WDR49: variants seen among roughly 807,000 people sequenced by gnomAD.
The protein encoded by WDR49 is cilia- and flagella-associated protein 337.
In WDR49, 107 loss-of-function variants were observed where a neutral mutation model predicts 119.5. That is an observed-to-expected ratio of 0.90 (90% confidence interval 0.77 to 1.05). The LOEUF is 1.05. WDR49 is among the 50% of genes least tolerant of loss of function. The pLI is 0.00. For synonymous variants in WDR49, 425 were observed against 418.8 expected (o/e 1.01, Z -0.18); for missense variants, 1,240 against 1,220.5 (o/e 1.02, Z -0.24).
intron 18 of WDR49, among the ~76,000 whole-genome samples, chr3:167,481,435 T>G (rs1750715121): frequency 6.6e-6 from 1 of 151,792 alleles, no homozygotes; most frequent in Non-Finnish European, 1.5e-5. Context: ...ACAGAGTTCC[T>G]GGAACATAGT....
chr3:167,533,986 G>A (rs552272919), intron 11 of WDR49, among the ~76,000 whole-genome samples: 4 of 151,804 alleles, frequency 2.6e-5, no homozygotes, highest in South Asian at 2.1e-4. Flanking sequence ...TCAGGAGTTC[G>A]AGACCAGCCT....
intron 7 of WDR49, among the ~76,000 whole-genome samples, chr3:167,581,058 T>C (rs1324182923): frequency 2.0e-5 from 3 of 152,150 alleles, no homozygotes; most frequent in African/African-American, 7.2e-5. Context: ...GTCAAGTCCA[T>C]GAACGGGCAT....
Position 167,522,132 on chromosome 3 carries a change from C to T in WDR49, c.2774+183G>A, listed in dbSNP as rs929095470. ...AATCAATGTAGTCAAGAAATAAGAA[C>T]CAAATATGGCCCCGATAATATAAGT... is the stretch of plus-strand genomic sequence containing the variant. On this transcript the variant is annotated intron_variant, in intron 16 of 18. Transcript: ENST00000682715. Among the ~76,000 whole-genome samples, 9 of 152,044 alleles carry T rather than the reference C, an allele frequency of 5.9e-5. 1 individual carries two copies. The highest frequency in any genetic ancestry group is 5.9e-5 in the Non-Finnish European group (4 of 67,998).
At position 167,627,010 on chromosome 3, in the gene WDR49, T is replaced by C; in HGVS notation, c.448A>G (p.Lys150Glu). 7.5e-7 allele frequency: 1 copy of C among 1,328,932 alleles called. No individual in the cohort carries two copies. Among genetic ancestry groups the C allele is most frequent in the Non-Finnish European group, 9.6e-7 (1 of 1,041,268 alleles). 82.3% of individuals were successfully genotyped at this position (1,328,932 alleles called of 1,614,324 possible). Residue 150 changes from lysine (K) to glutamate (E), a missense_variant, in exon 3 of 19, where the codon AAA becomes GAA. Coordinates refer to ENST00000682715, the MANE Select transcript of WDR49 (RefSeq NM_001366157.1). ...ATTGTCAGATAATGACTTGAATTTT[T>C]TAAGAAAATTACTTTTTGAATGGTG... ...KDTIQKVIFL[K>E]NSSHYLTISK...
chr3:167,641,656 A>G (rs1577296506), intron 2 of WDR49, among the ~76,000 whole-genome samples: 1 of 151,954 alleles, frequency 6.6e-6, no homozygotes, highest in East Asian at 1.9e-4. Flanking sequence ...AACATGTTAA[A>G]TAACAATTCA....
At chr3:167,608,552 A>G (rs568798993) in intron 5 of WDR49, among the ~76,000 whole-genome samples, 38 of 152,356 alleles carry the variant, frequency 2.5e-4, no homozygotes, top group Non-Finnish European at 4.7e-4. Flanking sequence ...AAACCAAGAT[A>G]TAACTTGTTT....
At chr3:167,510,076 T>G (rs1188307743) in intron 16 of WDR49, among the ~76,000 whole-genome samples, 1 of 152,210 alleles carries the variant, frequency 6.6e-6, no homozygotes, top group Admixed American at 6.5e-5. Flanking sequence ...CTTCCAAATT[T>G]TCCCGTAATA....
At chr3:167,597,367 A>G (rs115907228) in intron 7 of WDR49, among the ~76,000 whole-genome samples, 4,945 of 152,308 alleles carry the variant, frequency 0.032, 126 homozygotes, top group Middle Eastern at 0.078. Flanking sequence ...GGATGTACAA[A>G]AATGCCTGGA....
At chr3:167,646,941 C>T (rs546133272) in intron 2 of WDR49, among the ~76,000 whole-genome samples, 12 of 152,184 alleles carry the variant, frequency 7.9e-5, no homozygotes, top group Admixed American at 3.3e-4. Context: ...CCTTGGGAAA[C>T]GGTCAGAAAT....
rs542681482 is a variant in WDR49, at chr3:167,544,054, T to G, written c.1824-7054A>C. 3.4e-5 allele frequency among the ~76,000 whole-genome samples: 5 copies of G among 147,206 alleles called. No homozygotes were observed. The East Asian group carries it at 9.8e-4, about 29-fold the overall frequency. Reference sequence around the variant, plus strand: ...ACCAAATCAAGAACTCAACCCCTTTTAAGACAGCTGCAAAAAAAAAAAGTA... The same window carrying G: ...ACCAAATCAAGAACTCAACCCCTTTGAAGACAGCTGCAAAAAAAAAAAGTA... On this transcript the variant is annotated intron_variant, in intron 10 of 18. Coordinates refer to ENST00000682715, the MANE Select transcript of WDR49 (RefSeq NM_001366157.1).
chr3:167,642,500 G>A (rs1717928063), intron 2 of WDR49, among the ~76,000 whole-genome samples: 1 of 151,920 alleles, frequency 6.6e-6, no homozygotes, highest in Non-Finnish European at 1.5e-5. Flanking sequence ...GAACCCTGTG[G>A]TATTTGAATT....
chr3:167,580,071 TTAAAAAC>T (rs1475492979), intron 7 of WDR49, among the ~76,000 whole-genome samples: 2 of 152,166 alleles, frequency 1.3e-5, no homozygotes, highest in Non-Finnish European at 2.9e-5. Flanking sequence ...ATATGATAAA[TTAAAAAC>T]AGGTGAGCCA....
chr3:167,614,350 C>T (rs894720461), intron 5 of WDR49, among the ~76,000 whole-genome samples: 2 of 152,140 alleles, frequency 1.3e-5, no homozygotes, highest in Non-Finnish European at 1.5e-5. Context: ...CCGCCCACCT[C>T]GGCTTCCCAA....
At chr3:167,620,659 G>A (rs1716825009) in intron 4 of WDR49, 56 bp from the exon 5 acceptor site, 2 of 1,445,460 alleles carry the variant, frequency 1.4e-6, no homozygotes, top group Admixed American at 2.5e-5. Flanking sequence ...GTTGCAAGAA[G>A]ATTCTAGGTT....
At chr3:167,619,070 C>T (rs1716736312) in intron 5 of WDR49, among the ~76,000 whole-genome samples, 1 of 152,144 alleles carries the variant, frequency 6.6e-6, no homozygotes, top group African/African-American at 2.4e-5. Context: ...CCAACCCTTT[C>T]TAAGACAGCT....
chr3:167,480,827 G>A (rs1186922930), intron 18 of WDR49, among the ~76,000 whole-genome samples: 2 of 152,176 alleles, frequency 1.3e-5, no homozygotes, highest in Non-Finnish European at 2.9e-5. Flanking sequence ...GGCTCACCAT[G>A]AAGTACAAAT....
chr3:167,591,860 G>C (rs4632543), intron 7 of WDR49, among the ~76,000 whole-genome samples: 51,331 of 151,734 alleles, frequency 0.34, 10,004 homozygotes, highest in African/African-American at 0.55. Flanking sequence ...CTGCTATGTC[G>C]TTTGATTGGA....
chr3:167,612,967 A>G (rs905526149), intron 5 of WDR49, among the ~76,000 whole-genome samples: 1 of 152,230 alleles, frequency 6.6e-6, no homozygotes, highest in Non-Finnish European at 1.5e-5. Context: ...TAAAAAGAGT[A>G]AGACTATTGT....
chr3:167,620,697 A>G (rs1265010893), intron 4 of WDR49, 94 bp from the exon 5 acceptor site: 1 of 1,197,702 alleles, frequency 8.3e-7, no homozygotes, highest in East Asian at 2.7e-5. Context: ...AATAGCTATT[A>G]ACTTAATAAG....
Sources: gnomAD v4.1 joint callset for allele counts (sites outside exome capture counted in the v4.1 genomes callset) on GRCh38, gnomAD v4.1.1 for gene constraint, MANE v1.5 for transcripts, NCBI Gene and HGNC (gene_info 2026-07-23, HGNC 2026-07-21) for gene names.